ZNF202: variants seen among roughly 807,000 people sequenced by gnomAD.
ZNF202 encodes zinc finger protein 202.
A neutral mutation model predicts 54.5 loss-of-function variants in ZNF202; 22 were observed. The ratio of observed to expected loss-of-function variants is 0.40; its 90% confidence interval spans 0.29 to 0.58. ZNF202 has a LOEUF of 0.58. ZNF202 is among the 20% of genes least tolerant of loss of function. The probability of loss-of-function intolerance (pLI) is 0.39; values close to 1 mark genes in which losing one functional copy is unlikely to be tolerated. For missense variants in ZNF202, 644 were observed against 805.5 expected (o/e 0.80, Z 2.43); for synonymous variants, 294 against 301.4 (o/e 0.98, Z 0.26).
intron 3 of ZNF202, among the ~76,000 whole-genome samples, chr11:123,737,934 C>A (rs888604301): frequency 6.6e-6 from 1 of 152,134 alleles, no homozygotes; most frequent in Non-Finnish European, 1.5e-5. Flanking sequence ...TACAGCATCT[C>A]TATTGAATAT....
chr11:123,727,890 A>G (rs1326001783), intron 7 of ZNF202, among the ~76,000 whole-genome samples: 1 of 152,218 alleles, frequency 6.6e-6, no homozygotes, highest in Admixed American at 6.5e-5. Context: ...GCTTACTTCA[A>G]ATATTTCTGC....
intron 8 of ZNF202, among the ~76,000 whole-genome samples, 177 bp downstream of exon 8, chr11:123,727,299 T>G (rs1233618043): frequency 1.3e-5 from 2 of 151,998 alleles, no homozygotes; most frequent in Non-Finnish European, 2.9e-5. Context: ...ATCAGACAAA[T>G]GATGGGAGGA....
intron 3 of ZNF202, among the ~76,000 whole-genome samples, chr11:123,737,839 C>G (rs1410987176): frequency 6.6e-6 from 1 of 152,088 alleles, no homozygotes; most frequent in African/African-American, 2.4e-5. Flanking sequence ...CATGTTGAGT[C>G]TTGGGATGAT....
intron 3 of ZNF202, among the ~76,000 whole-genome samples, chr11:123,732,928 G>C (rs1861472051): frequency 6.6e-6 from 1 of 151,748 alleles, no homozygotes. Context: ...CCATTTCCCG[G>C]TTGAGCCATT....
At position 123,724,225 on chromosome 11, in the gene ZNF202, G is replaced by A. The variant is rs1861022280; in HGVS notation, c.*1772C>T. 6.6e-6 allele frequency: 1 copy of A among 152,122 alleles called. No homozygotes were observed. The highest frequency in any genetic ancestry group is 2.1e-4 in the South Asian group (1 of 4,832). 9.4% of individuals were successfully genotyped at this position (152,122 alleles called of 1,614,324 possible). Reference sequence around the variant, plus strand: ...CATCCCAACCCTTCCTTTCCTCAAGGAAAAATACTCTGTACTCCCAGATCT... The same window carrying A: ...CATCCCAACCCTTCCTTTCCTCAAGAAAAAATACTCTGTACTCCCAGATCT... On this transcript the variant is annotated 3_prime_UTR_variant, in exon 9 of 9. Coordinates refer to ENST00000530393, the MANE Select transcript of ZNF202 (RefSeq NM_003455.4).
Position 123,724,369 on chromosome 11 carries a change from T to C in ZNF202, c.*1628A>G, listed in dbSNP as rs964006637. 2 of 152,236 alleles carry C rather than the reference T, an allele frequency of 1.3e-5. No homozygotes were observed. Among genetic ancestry groups the C allele is most frequent in the African/African-American group, 4.8e-5 (2 of 41,458 alleles). The allele number at this position is 152,236 out of a possible 1,614,324, so 9.4% of individuals were successfully genotyped here. A position where few individuals can be genotyped will look rare whatever the true frequency, so the allele number is the denominator to read the frequency against. ...GCTGCAAGTGTTACCTTTATTTATTTCATATATGTATATTTCCAGAAGGAC... is the reference window on the plus strand; with the variant it reads ...GCTGCAAGTGTTACCTTTATTTATTCCATATATGTATATTTCCAGAAGGAC... On this transcript the variant is annotated 3_prime_UTR_variant, in exon 9 of 9. Transcript: ENST00000530393.
chr11:123,733,182 C>T (rs1387188311), intron 3 of ZNF202, among the ~76,000 whole-genome samples: 8 of 152,166 alleles, frequency 5.3e-5, no homozygotes, highest in Non-Finnish European at 1.2e-4. Context: ...TCAAGGTTAT[C>T]GATCCACTCT....
chr11:123,726,581 A>G lies in ZNF202; in HGVS notation c.1363T>C (p.Tyr455His), dbSNP rs769872439. Residue 455 changes from tyrosine (Y) to histidine (H), a missense_variant, in exon 9 of 9, where the codon TAT (tyrosine) becomes CAT (histidine). Physicochemically the swap from Tyr to His is moderately conservative, Grantham distance 83 (BLOSUM62 2). Coordinates refer to ENST00000530393, the MANE Select transcript of ZNF202 (RefSeq NM_003455.4). This position sits in a 1 kb window ranked among gnomAD's most constrained non-coding sequence, Gnocchi z 6.0. ...KVHKMNAPYK[Y>H]PLNRKNLEET... ...TCCAAATTCTTCCGGTTTAGGGGAT[A>G]TTTGTAAGGCGCGTTCATCTTGTGA... 30 of 1,614,182 alleles carry G rather than the reference A, an allele frequency of 1.9e-5. No individual in the cohort carries two copies. The Middle Eastern group carries it at 8.2e-4, about 44-fold the overall frequency.
intron 1 of ZNF202, among the ~76,000 whole-genome samples, chr11:123,740,939 G>T (rs960670133): frequency 9.4e-6 from 1 of 105,982 alleles, no homozygotes; most frequent in African/African-American, 3.6e-5. Flanking sequence ...TGGCTTGAGG[G>T]GACCTCAGGG....
At chr11:123,735,267 C>A (rs764719359) in intron 3 of ZNF202, among the ~76,000 whole-genome samples, 2 of 152,266 alleles carry the variant, frequency 1.3e-5, no homozygotes, top group Admixed American at 1.3e-4. Flanking sequence ...ATTGTTTTCA[C>A]GCAGCACTAG....
chr11:123,730,025 G>A lies in ZNF202; in HGVS notation c.403-200C>T, dbSNP rs1043637004. Among the ~76,000 whole-genome samples, 28 of 152,104 alleles carry A rather than the reference G, an allele frequency of 1.8e-4. No individual in the cohort carries two copies. Among genetic ancestry groups the A allele is most frequent in the African/African-American group, 6.5e-4 (27 of 41,426 alleles). ...CCAGGACAAGGCAGGGGATGCGCAG[G>A]CCTGCACTGCTCTCTCACCACCCCC... On this transcript the variant is annotated intron_variant, in intron 4 of 8. Coordinates refer to ENST00000530393, the MANE Select transcript of ZNF202 (RefSeq NM_003455.4). The surrounding 1 kb of genome is among the most constrained non-coding windows in gnomAD (Gnocchi z 6.0).
intron 6 of ZNF202, 74 bp downstream of exon 6, chr11:123,729,052 A>T: frequency 6.8e-7 from 1 of 1,462,826 alleles, no homozygotes; most frequent in East Asian, 2.3e-5. Context: ...ATCCTGCTTC[A>T]CCTGTTTAGT....
At chr11:123,740,997 GACT>G (rs1591394553) in intron 1 of ZNF202, among the ~76,000 whole-genome samples, 2 of 151,826 alleles carry the variant, frequency 1.3e-5, no homozygotes, top group Admixed American at 6.6e-5. Flanking sequence ...GGACGCCAAG[GACT>G]ACTATCATCA....
chr11:123,728,820 TAAA>T (rs11428083), intron 6 of ZNF202, among the ~76,000 whole-genome samples: 1 of 143,154 alleles, frequency 7.0e-6, no homozygotes, highest in African/African-American at 2.6e-5. Context: ...TTTATTCCTT[TAAA>T]AAAAAAAAAA....
intron 5 of ZNF202, 22 bp downstream of exon 5, chr11:123,729,593 C>G (rs759497179): frequency 1.3e-6 from 2 of 1,523,582 alleles, no homozygotes. Flanking sequence ...CACAATCCCC[C>G]CTTTCTGCTG....
intron 3 of ZNF202, among the ~76,000 whole-genome samples, chr11:123,735,967 C>T (rs1861620314): frequency 6.6e-6 from 1 of 152,070 alleles, no homozygotes; most frequent in African/African-American, 2.4e-5. Context: ...AATATGAAAC[C>T]AGGCCAGGAT....
In ZNF202 at chr11:123,724,034, G is replaced by T. The variant is rs901581356; in HGVS notation, c.*1963C>A. On this transcript the variant is annotated 3_prime_UTR_variant, in exon 9 of 9. Coordinates refer to ENST00000530393, the MANE Select transcript of ZNF202 (RefSeq NM_003455.4). ...CCAACCTTTATAAATGGTTAAGTCT[G>T]AGCTAGGAGAAACTATCTTTTGTGG... 1 of 152,216 alleles carries T rather than the reference G, an allele frequency of 6.6e-6. No individual in the cohort carries two copies. The highest frequency in any genetic ancestry group is 1.5e-5 in the Non-Finnish European group (1 of 68,038). The allele number at this position is 152,216 out of a possible 1,614,324, so 9.4% of individuals were successfully genotyped here.
chr11:123,739,448 C>A (rs1200938708), intron 3 of ZNF202: 1 of 152,128 alleles, frequency 6.6e-6, no homozygotes, highest in Non-Finnish European at 1.5e-5. Flanking sequence ...AGGAACTTAA[C>A]AGGTAGTTAA....
rs775583710 is a variant in ZNF202, at chr11:123,726,599, T to G, written c.1345A>C (p.Met449Leu). 1.9e-6 allele frequency: 3 copies of G among 1,614,198 alleles called. No homozygotes were observed. In the Admixed American group the frequency reaches 5.0e-5, roughly 27 times the overall value. Residue 449 changes from methionine to leucine, a missense_variant, in exon 9 of 9, where the codon ATG becomes CTG. Met to Leu is a conservative substitution (Grantham distance 15). This residue lies in a region of ZNF202 where 536 missense variants were observed against 635.3 expected (regional missense o/e 0.84). Coordinates refer to ENST00000530393, the MANE Select transcript of ZNF202 (RefSeq NM_003455.4). The surrounding 1 kb of genome is among the most constrained non-coding windows in gnomAD (Gnocchi z 6.0). ...HLARHQKVHKMNAPYKYPLNR... is the reference protein window; with the variant it reads ...HLARHQKVHKLNAPYKYPLNR... Reference sequence around the variant, plus strand: ...AGGGGATATTTGTAAGGCGCGTTCATCTTGTGAACCTTTTGGTGCCTGGCA... The same window carrying G: ...AGGGGATATTTGTAAGGCGCGTTCAGCTTGTGAACCTTTTGGTGCCTGGCA...
Sources: allele counts gnomAD v4.1 joint callset (sites outside exome capture counted in the v4.1 genomes callset), GRCh38; gene constraint gnomAD v4.1.1; regional missense constraint gnomAD v4.1.1; non-coding constraint Gnocchi (gnomAD v3.1); transcripts MANE v1.5; gene names NCBI Gene and HGNC (gene_info 2026-07-23, HGNC 2026-07-21).